VIPR2: variants seen among roughly 807,000 people sequenced by gnomAD.
The protein encoded by VIPR2 is vasoactive intestinal polypeptide receptor 2.
Under a neutral mutation model 58.0 loss-of-function variants are expected in VIPR2, and 48 were observed. The ratio of observed to expected loss-of-function variants is 0.83; its 90% CI spans 0.66 to 1.05. VIPR2 has a LOEUF of 1.05. Among genes scored for constraint, VIPR2 ranks in the 50% least tolerant of loss-of-function variants. The probability of loss-of-function intolerance (pLI) is 0.00; values close to 1 mark genes in which losing one functional copy is unlikely to be tolerated. For synonymous variants in VIPR2, 243 were observed against 235.2 expected (o/e 1.03, Z -0.30); for missense variants, 534 against 558.0 (o/e 0.96, Z 0.43).
chr7:159,073,021 G>C (rs75352097), intron 4 of VIPR2, among the ~76,000 whole-genome samples: 13,191 of 152,206 alleles, frequency 0.087, 636 homozygotes, highest in Middle Eastern at 0.14. Context: ...AAATGTTAGT[G>C]AACCCAGGAG....
At chr7:159,142,687 G>C (rs1585581074) in intron 1 of VIPR2, 142 bp from the exon 2 acceptor site, 1 of 541,742 alleles carries the variant, frequency 1.8e-6, no homozygotes, top group East Asian at 3.1e-5. Context: ...CAATCACCTT[G>C]ATTTTTCTGG....
chr7:159,090,443 A>T (rs1476463609), intron 4 of VIPR2, among the ~76,000 whole-genome samples: 1 of 70,184 alleles, frequency 1.4e-5, no homozygotes, highest in Non-Finnish European at 2.5e-5. Context: ...TATTGTGACT[A>T]TCACAATCCC....
intron 4 of VIPR2, among the ~76,000 whole-genome samples, chr7:159,102,448 G>A (rs909820150): frequency 3.9e-5 from 6 of 152,172 alleles, no homozygotes; most frequent in Non-Finnish European, 4.4e-5. Flanking sequence ...TCTCAGATAC[G>A]TCTTTATCAG....
intron 5 of VIPR2, 58 bp downstream of exon 5, chr7:159,058,422 TA>T: frequency 6.6e-7 from 1 of 1,520,756 alleles, no homozygotes; most frequent in African/African-American, 1.4e-5. Context: ...CTAGAAGGCC[TA>T]AATGGAAACT....
intron 4 of VIPR2, among the ~76,000 whole-genome samples, chr7:159,061,766 C>T (rs570202394): frequency 6.6e-6 from 1 of 152,242 alleles, no homozygotes; most frequent in South Asian, 2.1e-4. Flanking sequence ...CGGGAGAAGC[C>T]GACAGACAGG....
chr7:159,057,363 G>C (rs1855384188), intron 5 of VIPR2, among the ~76,000 whole-genome samples: 1 of 152,162 alleles, frequency 6.6e-6, no homozygotes, highest in Admixed American at 6.5e-5. Flanking sequence ...ACTTTTCAAA[G>C]TGCAGCCCTG....
rs948297334 is a variant in VIPR2, at chr7:159,097,644, T to G, written c.357+6113A>C. On this transcript the variant is annotated intron_variant, in intron 4 of 12. Coordinates refer to ENST00000262178, the MANE Select transcript of VIPR2 (RefSeq NM_003382.5). This position sits in a 1 kb window ranked among gnomAD's most constrained non-coding sequence, Gnocchi z 5.3. ...TGAAATCCAAATCACCAAGGAGAAT[T>G]CCCACTCCTTTTGGGCTTTTGACAC... Among the ~76,000 whole-genome samples the G allele has an allele frequency of 1.3e-5, 2 of 152,202 alleles. No homozygotes were observed. The highest frequency in any genetic ancestry group is 2.9e-5 in the Non-Finnish European group (2 of 68,046).
At chr7:159,048,333 T>G (rs960302666) in intron 5 of VIPR2, among the ~76,000 whole-genome samples, 3 of 152,240 alleles carry the variant, frequency 2.0e-5, no homozygotes, top group Non-Finnish European at 2.9e-5. Context: ...AATGGTAACC[T>G]AGTTTTGTTA....
chr7:159,105,606 C>A (rs1398054331), intron 3 of VIPR2, among the ~76,000 whole-genome samples: 1 of 152,034 alleles, frequency 6.6e-6, no homozygotes, highest in African/African-American at 2.4e-5. Flanking sequence ...CAGGGCTGGC[C>A]CTGCCCACTG....
intron 5 of VIPR2, among the ~76,000 whole-genome samples, chr7:159,048,298 C>A (rs1854772284): frequency 6.6e-6 from 1 of 152,178 alleles, no homozygotes; most frequent in Non-Finnish European, 1.5e-5. Context: ...GCTTTTGCTT[C>A]AAAGTTAGAT....
chr7:159,133,029 T>TTGGCA (rs1585563303), intron 2 of VIPR2, among the ~76,000 whole-genome samples: 14 of 88,386 alleles, frequency 1.6e-4, no homozygotes, highest in East Asian at 1.0e-3. Flanking sequence ...GACAGAATGA[T>TTGGCA]TCCAAAAATG....
intron 6 of VIPR2, among the ~76,000 whole-genome samples, chr7:159,041,799 T>C (rs1854361487): frequency 1.3e-5 from 2 of 152,104 alleles, no homozygotes; most frequent in Admixed American, 1.3e-4. Flanking sequence ...GACTGCTTTC[T>C]TCATGAAGAG....
chr7:159,124,208 T>G (rs574940205), intron 2 of VIPR2, among the ~76,000 whole-genome samples: 1 of 152,380 alleles, frequency 6.6e-6, no homozygotes, highest in Non-Finnish European at 1.5e-5. Context: ...GTCTTTGTTA[T>G]GAAATCTTTT....
At position 159,131,385 on chromosome 7, in the gene VIPR2, A is replaced by G. The variant is rs558904844; in HGVS notation, c.151+11061T>C. Reference sequence around the variant, plus strand: ...TTGTCTTCCCAGGTGCAGAATGACAAGATGAGATCAGCCATTTCCTCTACC... The same window carrying G: ...TTGTCTTCCCAGGTGCAGAATGACAGGATGAGATCAGCCATTTCCTCTACC... On this transcript the variant is annotated intron_variant, in intron 2 of 12. Coordinates refer to ENST00000262178, the MANE Select transcript of VIPR2 (RefSeq NM_003382.5). Among the ~76,000 whole-genome samples, 42 of 152,346 alleles carry G rather than the reference A, an allele frequency of 2.8e-4. No individual in the cohort carries two copies. In the South Asian group the frequency reaches 3.9e-3, roughly 14 times the overall value.
In VIPR2 at chr7:159,097,087, T is replaced by G. The variant is rs1237933491; in HGVS notation, c.357+6670A>C. 4 of 1,524,720 alleles carry G rather than the reference T, an allele frequency of 2.6e-6. No homozygotes were observed. Among genetic ancestry groups the G allele is most frequent in the Non-Finnish European group, 3.5e-6 (4 of 1,130,626 alleles). The allele number at this position is 1,524,720 out of a possible 1,614,324, so 94.4% of individuals were successfully genotyped here. On this transcript the variant is annotated intron_variant, in intron 4 of 12. Coordinates refer to ENST00000262178, the MANE Select transcript of VIPR2 (RefSeq NM_003382.5). This position sits in a 1 kb window ranked among gnomAD's most constrained non-coding sequence, Gnocchi z 5.3. ...GGCACCCTGGGAGGCTGGTGTGTCC[T>G]TGCAGGGTTGCAGGAGGGTTGGCGG...
chr7:159,035,374 C>T (rs1016905296), intron 8 of VIPR2, among the ~76,000 whole-genome samples: 11 of 152,216 alleles, frequency 7.2e-5, no homozygotes, highest in African/African-American at 9.6e-5. Flanking sequence ...CGTAACTAGA[C>T]GGTGGGTGTT....
At chr7:159,041,763 G>A (rs1854357651) in intron 6 of VIPR2, among the ~76,000 whole-genome samples, 1 of 152,142 alleles carries the variant, frequency 6.6e-6, no homozygotes, top group South Asian at 2.1e-4. Context: ...GGTCCTCTGA[G>A]GGTCTGTCAA....
intron 4 of VIPR2, among the ~76,000 whole-genome samples, chr7:159,062,343 A>G (rs557965285): frequency 6.6e-6 from 1 of 152,148 alleles, no homozygotes; most frequent in African/African-American, 2.4e-5. Context: ...TGAAGAACTA[A>G]GACACGGACC....
In VIPR2 at chr7:159,099,301, G is replaced by A. The variant is rs1858065311; in HGVS notation, c.357+4456C>T. 6.6e-6 allele frequency among the ~76,000 whole-genome samples: 1 copy of A among 152,174 alleles called. No individual in the cohort carries two copies. The highest frequency in any genetic ancestry group is 2.4e-5 in the African/African-American group (1 of 41,438). On this transcript the variant is annotated intron_variant, in intron 4 of 12. Coordinates refer to ENST00000262178, the MANE Select transcript of VIPR2 (RefSeq NM_003382.5). The surrounding 1 kb of genome is among the most constrained non-coding windows in gnomAD (Gnocchi z 4.2). ...TTCAGACTAAACAGCAAAGCATCAG[G>A]GGATCACAGAGCCACTATGCTCACG...
Sources: allele counts gnomAD v4.1 joint callset (sites outside exome capture counted in the v4.1 genomes callset), GRCh38; gene constraint gnomAD v4.1.1; non-coding constraint Gnocchi (gnomAD v3.1); transcripts MANE v1.5; gene names NCBI Gene and HGNC (gene_info 2026-07-23, HGNC 2026-07-21).